The following MAPKAP1 variants were observed in gnomAD, a reference collection of about 807,000 sequenced individuals.
MAPKAP1 encodes target of rapamycin complex 2 subunit MAPKAP1.
A neutral mutation model predicts 65.7 loss-of-function variants in MAPKAP1; 20 were observed. The ratio of observed to expected loss-of-function variants is 0.30; its 90% CI spans 0.21 to 0.44. The LOEUF (loss-of-function observed/expected upper bound fraction) is 0.44. MAPKAP1 is among the 20% of genes least tolerant of loss of function. MAPKAP1 has a pLI of 1.00. For missense variants in MAPKAP1, 423 were observed against 648.0 expected, an observed-to-expected ratio of 0.65 and a Z score of 3.77; for synonymous variants, 222 against 244.3, an observed-to-expected ratio of 0.91 and a Z score of 0.85.
At chr9:125,585,467 T>G (rs1831752626) in intron 5 of MAPKAP1, 88 bp downstream of exon 5, 3 of 1,410,570 alleles carry the variant, frequency 2.1e-6, no homozygotes, top group Non-Finnish European at 2.9e-6. Flanking sequence ...TCCAGGCCAA[T>G]GCCTAGAAAG....
In MAPKAP1 at chr9:125,580,507, C is replaced by T. The variant is rs1383754470; in HGVS notation, c.671+5048G>A. On this transcript the variant is annotated intron_variant, in intron 5 of 11. Transcript: ENST00000265960. ...ACAATGAGAACACTTGGACACAGGG[C>T]GGGGAACATCACACACTGGGGCCTG... Among the ~76,000 whole-genome samples the T allele has an allele frequency of 6.9e-5, 8 of 116,254 alleles. No individual in the cohort carries two copies. In the Admixed American group the frequency reaches 7.5e-4, roughly 11 times the overall value. 76.3% of individuals were successfully genotyped at this position (116,254 alleles called of 152,430 possible). A position where few individuals can be genotyped will look rare whatever the true frequency, so the allele number is the denominator to read the frequency against.
intron 11 of MAPKAP1, among the ~76,000 whole-genome samples, chr9:125,442,402 A>C (rs574828076): frequency 5.9e-4 from 90 of 152,288 alleles, no homozygotes; most frequent in African/African-American, 2.1e-3. Flanking sequence ...TTGATCTTCC[A>C]CAGTCTCATA....
chr9:125,580,186 G>T (rs1831573950), intron 5 of MAPKAP1, among the ~76,000 whole-genome samples: 3 of 152,176 alleles, frequency 2.0e-5, no homozygotes, highest in South Asian at 4.1e-4. Flanking sequence ...CCATTACTGG[G>T]TATATACCCA....
chr9:125,578,966 C>A (rs1831534054), intron 5 of MAPKAP1, among the ~76,000 whole-genome samples: 1 of 152,070 alleles, frequency 6.6e-6, no homozygotes, highest in Admixed American at 6.5e-5. Flanking sequence ...TAGTAAGCAG[C>A]CAAATATACA....
chr9:125,502,532 T>C (rs1829015107), intron 8 of MAPKAP1, among the ~76,000 whole-genome samples: 3 of 152,254 alleles, frequency 2.0e-5, no homozygotes, highest in Admixed American at 2.0e-4. Flanking sequence ...CTAATTTCTA[T>C]TATTATTTCT....
rs375194731 is a variant in MAPKAP1 at position 125,651,134 on chromosome 9, C to T, written c.498+6517G>A. Among the ~76,000 whole-genome samples the T allele has an allele frequency of 8.5e-5, 13 of 152,194 alleles. No homozygotes were observed. In the East Asian group the frequency reaches 1.2e-3, roughly 14 times the overall value. The stretch of plus-strand genomic sequence containing the variant: ...GGCATGAGCCACTGTGCCCGGCGAT[C>T]CTTCTATACTATATACCAGAATATG... On this transcript the variant is annotated intron_variant, in intron 4 of 11. Coordinates refer to ENST00000265960, the MANE Select transcript of MAPKAP1 (RefSeq NM_001006617.3).
At chr9:125,647,780 G>C (rs1833771380) in intron 4 of MAPKAP1, among the ~76,000 whole-genome samples, 1 of 152,186 alleles carries the variant, frequency 6.6e-6, no homozygotes, top group African/African-American at 2.4e-5. Flanking sequence ...AGCCAGTACA[G>C]TGTGGGTGCC....
intron 4 of MAPKAP1, among the ~76,000 whole-genome samples, chr9:125,612,158 C>A (rs528323859): frequency 6.6e-6 from 1 of 152,244 alleles, no homozygotes; most frequent in African/African-American, 2.4e-5. Flanking sequence ...TACTTATAAG[C>A]GCTCAAAAAG....
chr9:125,484,690 T>C (rs1854435256), intron 8 of MAPKAP1, 107 bp from the exon 9 acceptor site: 1 of 1,147,024 alleles, frequency 8.7e-7, no homozygotes. Context: ...CTATTTAATT[T>C]GGAGAAGAAA....
At chr9:125,652,538 T>C (rs1042102192) in intron 4 of MAPKAP1, among the ~76,000 whole-genome samples, 2 of 152,192 alleles carry the variant, frequency 1.3e-5, no homozygotes, top group Non-Finnish European at 2.9e-5. Context: ...CAGTTTCTAA[T>C]AGAGAAATGG....
chr9:125,703,358 A>G (rs1319058797), intron 1 of MAPKAP1, among the ~76,000 whole-genome samples: 1 of 152,224 alleles, frequency 6.6e-6, no homozygotes, highest in Non-Finnish European at 1.5e-5. Context: ...CTTAAGTAAC[A>G]TATTTAACCA....
chr9:125,592,643 G>A (rs1442859410), intron 4 of MAPKAP1, among the ~76,000 whole-genome samples: 3 of 152,306 alleles, frequency 2.0e-5, no homozygotes, highest in African/African-American at 7.2e-5. Context: ...AGTGGCTCAT[G>A]CCTGTAATCC....
At chr9:125,520,147 A>C (rs1829579384) in intron 7 of MAPKAP1, among the ~76,000 whole-genome samples, 1 of 152,172 alleles carries the variant, frequency 6.6e-6, no homozygotes, top group Non-Finnish European at 1.5e-5. Flanking sequence ...CCCATCTGTA[A>C]AATTTCCCAT....
chr9:125,592,663 G>A (rs1389418194), intron 4 of MAPKAP1, among the ~76,000 whole-genome samples: 1 of 152,100 alleles, frequency 6.6e-6, no homozygotes, highest in East Asian at 1.9e-4. Context: ...CCAGCGCTTT[G>A]GGAGGCCGAG....
intron 7 of MAPKAP1, among the ~76,000 whole-genome samples, chr9:125,533,613 G>C (rs1284824312): frequency 2.0e-5 from 3 of 152,012 alleles, no homozygotes; most frequent in Non-Finnish European, 2.9e-5. Context: ...ACCTAATTTG[G>C]CTAATTTTTG....
intron 1 of MAPKAP1, among the ~76,000 whole-genome samples, chr9:125,696,731 C>G (rs1396974861): frequency 1.3e-5 from 2 of 152,158 alleles, no homozygotes; most frequent in Non-Finnish European, 2.9e-5. Context: ...TTTTGTTTTA[C>G]TTCCACAGTC....
At chr9:125,533,297 C>T (rs1266762009) in intron 7 of MAPKAP1, among the ~76,000 whole-genome samples, 1 of 152,048 alleles carries the variant, frequency 6.6e-6, no homozygotes, top group African/African-American at 2.4e-5. Context: ...TACTAAACGA[C>T]ACTAAAGACC....
intron 7 of MAPKAP1, among the ~76,000 whole-genome samples, chr9:125,522,977 T>C (rs1182246630): frequency 6.6e-6 from 1 of 152,164 alleles, no homozygotes; most frequent in Admixed American, 6.5e-5. Context: ...AAGTCTTATC[T>C]TCTCTCCTTC....
intron 10 of MAPKAP1, among the ~76,000 whole-genome samples, chr9:125,460,524 T>C (rs1853455566): frequency 6.6e-6 from 1 of 152,192 alleles, no homozygotes; most frequent in Non-Finnish European, 1.5e-5. Context: ...ACGTCCCCTA[T>C]GAGCAACTCT....
Sources: allele counts gnomAD v4.1 joint callset (sites outside exome capture counted in the v4.1 genomes callset), GRCh38; gene constraint gnomAD v4.1.1; transcripts MANE v1.5; gene names NCBI Gene and HGNC (gene_info 2026-07-23, HGNC 2026-07-21).